The following ABI3BP variants were observed in gnomAD, a reference collection of about 807,000 sequenced individuals.
ABI3BP encodes the protein ABI family member 3 binding protein, also known as target of Nesh-SH3.
In ABI3BP, 216 loss-of-function variants were observed where a neutral mutation model predicts 268.6. That is an observed-to-expected ratio of 0.80 (90% CI 0.72 to 0.90). The LOEUF (loss-of-function observed/expected upper bound fraction) is 0.90, where lower values mean the gene tolerates loss of function less well. Among genes scored for constraint, ABI3BP ranks in the 40% least tolerant of loss-of-function variants. The pLI, the probability that ABI3BP is intolerant of heterozygous loss-of-function variation, is 0.00. For missense variants in ABI3BP, 2,090 were observed against 2,182.4 expected (o/e 0.96, Z 0.84); for synonymous variants, 730 against 730.0 (o/e 1.00, Z 0.00).
rs1210550468 is a variant in ABI3BP, at chr3:100,864,816, A to G, written c.1063+17T>C. The G allele has an allele frequency of 2.5e-6, 4 of 1,570,178 alleles. No homozygotes were observed. In the African/African-American group the frequency reaches 5.5e-5, roughly 22 times the overall value. Reference sequence around the variant, plus strand: ...TACTTTTGTTTTTTTAGAAAAAAAAAAAGTTCTTAGAATTACCCAGTGTTG... The same window carrying G: ...TACTTTTGTTTTTTTAGAAAAAAAAGAAGTTCTTAGAATTACCCAGTGTTG... On this transcript the variant is annotated intron_variant, in intron 11 of 67. Coordinates refer to ENST00000471714, the MANE Select transcript of ABI3BP (RefSeq NM_001375547.2).
intron 2 of ABI3BP, among the ~76,000 whole-genome samples, chr3:100,910,091 G>T (rs2153549878): frequency 6.6e-6 from 1 of 152,268 alleles, no homozygotes; most frequent in African/African-American, 2.4e-5. Flanking sequence ...AAAAAAGGAT[G>T]AGTTCATGTC....
chr3:100,874,929 G>T lies in ABI3BP; in HGVS notation c.822C>A (p.His274Gln), dbSNP rs1280396685. The change falls in exon 9 of 68, where the codon CAC becomes CAA. Residue 274 changes from histidine (H) to glutamine (Q), a missense_variant. Physicochemically the swap from His to Gln is conservative, Grantham distance 24 (BLOSUM62 0). Coordinates refer to ENST00000471714, the MANE Select transcript of ABI3BP (RefSeq NM_001375547.2). ...TTTCATTAAGACCTGGAATAATAAG[G>T]TGGACTGCAAGGAAATAGATGTAAA... Reference protein sequence around the residue: ...KAPLGGVILVHLIIPGLNETT... With the variant: ...KAPLGGVILVQLIIPGLNETT... The T allele has an allele frequency of 6.3e-7, 1 of 1,576,776 alleles. No homozygotes were observed. Among genetic ancestry groups the T allele is most frequent in the Non-Finnish European group, 8.7e-7 (1 of 1,154,080 alleles).
At chr3:100,969,091 G>A (rs191625312) in intron 1 of ABI3BP, among the ~76,000 whole-genome samples, 9 of 152,226 alleles carry the variant, frequency 5.9e-5, no homozygotes, top group Admixed American at 2.6e-4. Flanking sequence ...ACAAAGGGCG[G>A]GGAAGCATAG....
chr3:100,824,571 G>A (rs182968909), intron 36 of ABI3BP, among the ~76,000 whole-genome samples: 1 of 152,306 alleles, frequency 6.6e-6, no homozygotes, highest in Non-Finnish European at 1.5e-5. Context: ...TGCTAAAGAA[G>A]TTCTACCTTT....
intron 59 of ABI3BP, 98 bp downstream of exon 59, chr3:100,778,186 A>G: frequency 8.4e-7 from 1 of 1,184,344 alleles, no homozygotes; most frequent in South Asian, 1.3e-5. Flanking sequence ...TGTCACACAC[A>G]TCAATAGTGT....
rs974646859 is a variant in ABI3BP, at chr3:100,926,422, A to G, written c.139T>C (p.Phe47Leu). The part of the protein sequence containing the change: ...NTTSDSILLK[F>L]LRPSPNVKLE... The stretch of plus-strand genomic sequence containing the variant: ...TTTACATTTGGACTTGGACGCAAGA[A>G]CTTCAAGAGGATGGAGTCACTTGTG... The change falls in exon 2 of 68, where the codon TTC (phenylalanine) becomes CTC (leucine). Residue 47 changes from phenylalanine (F) to leucine (L), a missense_variant. Coordinates refer to ENST00000471714, the MANE Select transcript of ABI3BP (RefSeq NM_001375547.2). 4 of 1,613,466 alleles carry G rather than the reference A, an allele frequency of 2.5e-6. No homozygotes were observed. The highest frequency in any genetic ancestry group is 3.4e-6 in the Non-Finnish European group (4 of 1,179,582).
intron 10 of ABI3BP, 123 bp from the exon 11 acceptor site, chr3:100,865,030 G>T: frequency 2.6e-6 from 2 of 755,026 alleles, no homozygotes; most frequent in Non-Finnish European, 4.4e-6. Flanking sequence ...TTCTTTTTGT[G>T]TTACTATGTA....
chr3:100,980,299 C>T, intron 1 of ABI3BP, among the ~76,000 whole-genome samples: 1 of 151,938 alleles, frequency 6.6e-6, no homozygotes. Flanking sequence ...GGCATGATCT[C>T]TGCTCACTGC....
At chr3:100,753,153 G>A (rs946521585) in intron 65 of ABI3BP, among the ~76,000 whole-genome samples, 5 of 152,126 alleles carry the variant, frequency 3.3e-5, no homozygotes, top group South Asian at 2.1e-4. Flanking sequence ...GCATGTTAAG[G>A]TGTTTAGGTG....
chr3:100,845,882 T>C (rs917307722), intron 20 of ABI3BP, among the ~76,000 whole-genome samples: 2 of 151,400 alleles, frequency 1.3e-5, no homozygotes, highest in African/African-American at 4.9e-5. Context: ...CCACTAAAAA[T>C]TCCTAAGAGG....
At chr3:100,772,147 G>A (rs965749243) in intron 61 of ABI3BP, among the ~76,000 whole-genome samples, 1 of 152,292 alleles carries the variant, frequency 6.6e-6, no homozygotes, top group Non-Finnish European at 1.5e-5. Flanking sequence ...AATTTAATAA[G>A]TAGTGAAAAT....
chr3:100,755,369 T>C (rs185735628), intron 63 of ABI3BP, among the ~76,000 whole-genome samples: 10 of 152,340 alleles, frequency 6.6e-5, no homozygotes, highest in Admixed American at 4.6e-4. Context: ...TAAATGTTTC[T>C]TTGCAAGGAC....
chr3:100,833,631 G>A (rs950207835), intron 29 of ABI3BP, among the ~76,000 whole-genome samples: 8 of 152,112 alleles, frequency 5.3e-5, no homozygotes, highest in African/African-American at 1.9e-4. Context: ...CAAGACCTCT[G>A]TTCAAATAAA....
chr3:100,840,703 TCACACA>T (rs1316414981), intron 22 of ABI3BP, 111 bp downstream of exon 22: 2 of 822,818 alleles, frequency 2.4e-6, no homozygotes, highest in Non-Finnish European at 3.6e-6. Context: ...AACAGAGCAC[TCACACA>T]CACACACAAA....
At chr3:100,949,739 G>A (rs1318542533) in intron 1 of ABI3BP, among the ~76,000 whole-genome samples, 1 of 152,146 alleles carries the variant, frequency 6.6e-6, no homozygotes, top group Non-Finnish European at 1.5e-5. Flanking sequence ...AAAATTTGTG[G>A]CTATGGAAGC....
chr3:100,795,089 T>C, intron 53 of ABI3BP, 86 bp from the exon 54 acceptor site: 2 of 818,990 alleles, frequency 2.4e-6, no homozygotes, highest in Non-Finnish European at 3.6e-6. Flanking sequence ...AATTCCTTCA[T>C]TTGAAGTAGA....
chr3:100,809,024 AAG>A (rs1393750331), intron 49 of ABI3BP, among the ~76,000 whole-genome samples: 3 of 151,990 alleles, frequency 2.0e-5, no homozygotes, highest in Admixed American at 1.3e-4. Flanking sequence ...TGCTGAAAAT[AAG>A]AGTTATTTGA....
At chr3:100,899,578 TCACTGGAGATTGTGTTCAAGTA>T (rs911500339) in intron 3 of ABI3BP, among the ~76,000 whole-genome samples, 16 of 152,154 alleles carry the variant, frequency 1.1e-4, no homozygotes, top group African/African-American at 3.4e-4. Context: ...TGCTAATAAA[TCACTGGAGATTGTGTTCAAGTA>T]CACAGAAGCA....
At chr3:100,837,566 G>T (rs1439012078) in intron 26 of ABI3BP, among the ~76,000 whole-genome samples, 4 of 152,068 alleles carry the variant, frequency 2.6e-5, no homozygotes, top group Non-Finnish European at 5.9e-5. Flanking sequence ...GACCAGCCTG[G>T]CCAACATGGT....
Sources: gnomAD v4.1 joint callset for allele counts (sites outside exome capture counted in the v4.1 genomes callset) on GRCh38, gnomAD v4.1.1 for gene constraint, MANE v1.5 for transcripts, NCBI Gene and HGNC (gene_info 2026-07-23, HGNC 2026-07-21) for gene names.